The following SNX17 variants were observed in gnomAD, a reference collection of about 807,000 sequenced individuals.
SNX17 encodes sorting nexin-17.
SNX17 carries 35 observed loss-of-function variants against 64.3 expected under a neutral mutation model. The ratio of observed to expected loss-of-function variants is 0.54; its 90% CI spans 0.42 to 0.72. The LOEUF (loss-of-function observed/expected upper bound fraction) is 0.72. Among genes scored for constraint, SNX17 ranks in the 30% least tolerant of loss-of-function variants. The probability of loss-of-function intolerance (pLI) is 0.00; values close to 1 mark genes in which losing one functional copy is unlikely to be tolerated. For synonymous variants in SNX17, 259 were observed against 230.2 expected, an observed-to-expected ratio of 1.13 and a Z score of -1.13; for missense variants, 538 against 610.0, an observed-to-expected ratio of 0.88 and a Z score of 1.24.
At chr2:27,371,384 T>C (rs763637505) in intron 2 of SNX17, 41 bp downstream of exon 2, 17 of 1,583,106 alleles carry the variant, frequency 1.1e-5, no homozygotes, top group Non-Finnish European at 1.4e-5. Context: ...TTCAAGCCCT[T>C]CCCTACACGT....
In SNX17 at chr2:27,375,025, G is replaced by T. The variant is rs375760805; in HGVS notation, c.682-36G>T. On this transcript the variant is annotated intron_variant, in intron 8 of 14. Coordinates refer to ENST00000233575, the MANE Select transcript of SNX17 (RefSeq NM_014748.4). This position sits in a 1 kb window ranked among gnomAD's most constrained non-coding sequence, Gnocchi z 4.1. ...GACGCTTTCCTTGGATTGCTGACTG[G>T]GACCTCCTACTGCCTGCCCCTTGTC... 2.4e-5 allele frequency: 38 copies of T among 1,582,170 alleles called. No homozygotes were observed. The Middle Eastern group carries it at 3.3e-3, about 139-fold the overall frequency.
In SNX17 at chr2:27,374,150, A is replaced by G. The variant is rs759041575; in HGVS notation, c.498A>G (p.Arg166=). ...GATACTTTAGTCTATTCTTAGTTCG[A>G]GAAAAAGAGGATGGAGCCTTTTCTT... ...LIGYFSLFLV[R]EKEDGAFSFV... The change falls in exon 6 of 15, where the codon CGA becomes CGG. Residue 166 remains arginine, a synonymous_variant. Coordinates refer to ENST00000233575, the MANE Select transcript of SNX17 (RefSeq NM_014748.4). The G allele has an allele frequency of 1.2e-6, 2 of 1,613,998 alleles. No individual in the cohort carries two copies. The highest frequency in any genetic ancestry group is 2.7e-5 in the African/African-American group (2 of 74,922).
rs1682823992 is a variant in SNX17 at position 27,373,286 on chromosome 2, A to G, written c.296A>G (p.Asn99Ser). The G allele has an allele frequency of 6.2e-7, 1 of 1,614,188 alleles. No homozygotes were observed. Among genetic ancestry groups the G allele is most frequent in the Non-Finnish European group, 8.5e-7 (1 of 1,180,008 alleles). ...DPLLGSSETF[N>S]SFLRRAQQET... is the part of the protein sequence containing the mutation. ...TTGCTTGGGAGCAGCGAGACTTTCA[A>G]CAGTTTCCTGCGTCGGGCACAACAG... Residue 99 changes from asparagine to serine, a missense_variant, in exon 4 of 15, where the codon AAC becomes AGC. This residue lies in a region of SNX17 where 505 missense variants were observed against 550.4 expected (regional missense o/e 0.92). Transcript: ENST00000233575.
At chr2:27,373,058 C>T in intron 3 of SNX17, 189 bp from the exon 4 acceptor site, 1 of 1,549,808 alleles carries the variant, frequency 6.5e-7, no homozygotes, top group African/African-American at 1.4e-5. Context: ...ACTGGACTCA[C>T]CTAGATGGCA....
In SNX17 at chr2:27,375,385, G is replaced by A. The variant is rs1558305683; in HGVS notation, c.775-121G>A. ...GAGCTCCTGACCTTGTGATCTGTCT[G>A]CCTCTGCCTCCTAAAGTGCTGGGAT... On this transcript the variant is annotated intron_variant, in intron 9 of 14. Coordinates refer to ENST00000233575, the MANE Select transcript of SNX17 (RefSeq NM_014748.4). The surrounding 1 kb of genome is among the most constrained non-coding windows in gnomAD (Gnocchi z 4.1). 6.7e-6 allele frequency: 7 copies of A among 1,037,096 alleles called. No individual in the cohort carries two copies. Among genetic ancestry groups the A allele is most frequent in the Non-Finnish European group, 1.0e-5 (7 of 693,122 alleles). The allele number at this position is 1,037,096 out of a possible 1,614,324, so 64.2% of individuals were successfully genotyped here. A position where few individuals can be genotyped will look rare whatever the true frequency, so the allele number is the denominator to read the frequency against.
intron 4 of SNX17, 46 bp from the exon 5 acceptor site, chr2:27,373,815 C>T (rs768537598): frequency 6.9e-7 from 1 of 1,458,796 alleles, no homozygotes; most frequent in Non-Finnish European, 9.6e-7. Context: ...TAGGTCAAGG[C>T]AAGGGACAAG....
rs746759836 is a variant in SNX17 at position 27,375,586 on chromosome 2, C to T, written c.855C>T (p.Asp285=). The part of the protein sequence containing the change: ...DACVADFPEK[D]CPVVVSAGNS... ...GTGTGGCTGACTTCCCAGAAAAGGA[C>T]TGTCCTGTGGTGGTGAGCGCGGGCA... Residue 285 remains aspartate, a synonymous_variant, in exon 10 of 15, where the codon GAC becomes GAT. Coordinates refer to ENST00000233575, the MANE Select transcript of SNX17 (RefSeq NM_014748.4). This position sits in a 1 kb window ranked among gnomAD's most constrained non-coding sequence, Gnocchi z 4.1. 1.9e-6 allele frequency: 3 copies of T among 1,614,220 alleles called. No homozygotes were observed. In the South Asian group the frequency reaches 3.3e-5, roughly 18 times the overall value.
At chr2:27,370,888 C>T in intron 1 of SNX17, 82 bp downstream of exon 1, 1 of 1,440,952 alleles carries the variant, frequency 6.9e-7, no homozygotes, top group South Asian at 1.3e-5. Context: ...CCTCTGAGGC[C>T]TGACCGCCAC....
rs1284830158 is a variant in SNX17 at position 27,373,875 on chromosome 2, C to A, written c.336C>A (p.Val112=). The A allele has an allele frequency of 4.3e-6, 7 of 1,613,182 alleles. No homozygotes were observed. In the African/African-American group the frequency reaches 9.3e-5, roughly 22 times the overall value. ...GCTCACAACAGGAGACACAGCAGGT[C>A]CCCACAGAGGAAGTGTCCTTGGAAG... is the stretch of plus-strand genomic sequence containing the variant. The part of the protein sequence containing the change: ...LRRAQQETQQ[V]PTEEVSLEVL... The change falls in exon 5 of 15, where the codon GTC becomes GTA. Residue 112 remains valine (V), a synonymous_variant. Transcript: ENST00000233575.
At position 27,373,243 on chromosome 2, in the gene SNX17, G is replaced by A. The variant is rs548646479; in HGVS notation, c.257-4G>A. 2.9e-5 allele frequency: 47 copies of A among 1,614,020 alleles called. No individual in the cohort carries two copies. Among genetic ancestry groups the A allele is most frequent in the Admixed American group, 6.7e-5 (4 of 60,000 alleles). On this transcript the variant is annotated splice_polypyrimidine_tract_variant and splice_region_variant and intron_variant, in intron 3 of 14. Transcript: ENST00000233575. Reference sequence around the variant, plus strand: ...CCTGTAATAATGTTCTCTTGTCCTCGTAGTTCGGCAAGACCCATTGCTTGG... The same window carrying A: ...CCTGTAATAATGTTCTCTTGTCCTCATAGTTCGGCAAGACCCATTGCTTGG...
rs370516976 is a variant in SNX17 at position 27,376,322 on chromosome 2, C to G, written c.1192C>G (p.Arg398Gly). The G allele has an allele frequency of 1.2e-6, 2 of 1,611,498 alleles. No individual in the cohort carries two copies. Among genetic ancestry groups the G allele is most frequent in the African/African-American group, 2.7e-5 (2 of 74,848 alleles). ...SGGSIRKMLR[R>G]RVGGTLRRSD... is the part of the protein sequence containing the mutation. Reference sequence around the variant, plus strand: ...TTGTGTCTGTCCCCAGATGCTGCGCCGGCGGGTGGGGGGTACTCTGAGACG... The same window carrying G: ...TTGTGTCTGTCCCCAGATGCTGCGCGGGCGGGTGGGGGGTACTCTGAGACG... The change falls in exon 13 of 15, where the codon CGG (arginine) becomes GGG (glycine). Residue 398 changes from arginine to glycine, a missense_variant. Physicochemically the swap from Arg to Gly is moderately radical, Grantham distance 125. This residue lies in a region of SNX17 where 505 missense variants were observed against 550.4 expected (regional missense o/e 0.92). Transcript: ENST00000233575.
In SNX17 at chr2:27,375,957, A is replaced by G. The variant is rs992285044; in HGVS notation, c.1090A>G (p.Ile364Val). 6.2e-7 allele frequency: 1 copy of G among 1,614,022 alleles called. No individual in the cohort carries two copies. The highest frequency in any genetic ancestry group is 8.5e-7 in the Non-Finnish European group (1 of 1,180,026). Residue 364 changes from isoleucine to valine, a missense_variant, in exon 11 of 15, where the codon ATC becomes GTC. Ile to Val is a conservative substitution (Grantham distance 29, BLOSUM62 3). Coordinates refer to ENST00000233575, the MANE Select transcript of SNX17 (RefSeq NM_014748.4). The surrounding 1 kb of genome is among the most constrained non-coding windows in gnomAD (Gnocchi z 4.1). Reference protein sequence around the residue: ...MSKDRLQWVTITSPQAIMMSI... With the variant: ...MSKDRLQWVTVTSPQAIMMSI... The stretch of plus-strand genomic sequence containing the variant: ...CAAGGACCGGCTACAGTGGGTCACC[A>G]TCACTAGCCCCCAGGTGTGAACCTA...
At position 27,373,905 on chromosome 2, in the gene SNX17, G is replaced by C. The variant is rs1558303647; in HGVS notation, c.366G>C (p.Leu122=). The change falls in exon 5 of 15, where the codon CTG becomes CTC. Residue 122 remains leucine, a synonymous_variant. Transcript: ENST00000233575. ...CAGAGGAAGTGTCCTTGGAAGTGCT[G>C]CTCAGCAACGGGCAGAAAGTTCTGG... is the stretch of plus-strand genomic sequence containing the variant. ...VPTEEVSLEV[L]LSNGQKVLVN... 1.9e-6 allele frequency: 3 copies of C among 1,614,112 alleles called. No individual in the cohort carries two copies. The highest frequency in any genetic ancestry group is 2.5e-6 in the Non-Finnish European group (3 of 1,180,034).
chr2:27,373,059 C>T, intron 3 of SNX17, 188 bp from the exon 4 acceptor site: 1 of 1,549,970 alleles, frequency 6.5e-7, no homozygotes, highest in Non-Finnish European at 8.7e-7. Flanking sequence ...CTGGACTCAC[C>T]TAGATGGCAG....
At position 27,376,141 on chromosome 2, in the gene SNX17, T is replaced by G; in HGVS notation, c.1140T>G (p.Val380=). The G allele has an allele frequency of 3.7e-6, 6 of 1,614,088 alleles. No homozygotes were observed. The highest frequency in any genetic ancestry group is 5.1e-6 in the Non-Finnish European group (6 of 1,180,014). ...TGAGCATCTGCTTGCAGTCCATGGTTGATGAACTGATGGTGAAGAAATCTG... is the reference window on the plus strand; with the variant it reads ...TGAGCATCTGCTTGCAGTCCATGGTGGATGAACTGATGGTGAAGAAATCTG... The part of the protein sequence containing the change: ...IMMSICLQSM[V]DELMVKKSGG... Residue 380 remains valine, a synonymous_variant, in exon 12 of 15, where the codon GTT becomes GTG. Transcript: ENST00000233575.
At chr2:27,371,531 G>C in intron 2 of SNX17, 188 bp downstream of exon 2, 1 of 1,200,626 alleles carries the variant, frequency 8.3e-7, no homozygotes, top group Non-Finnish European at 1.1e-6. Context: ...TAATGTCCGC[G>C]CAACAACTGC....
chr2:27,371,437 G>T, intron 2 of SNX17, 94 bp downstream of exon 2: 1 of 1,489,252 alleles, frequency 6.7e-7, no homozygotes. Flanking sequence ...TGTTCCCGTA[G>T]GCTGTAGTTC....
chr2:27,373,106 T>C (rs1366527801), intron 3 of SNX17, 141 bp from the exon 4 acceptor site: 2 of 1,574,086 alleles, frequency 1.3e-6, no homozygotes, highest in Non-Finnish European at 1.7e-6. Context: ...ATGCAAACAG[T>C]GAGTGAGGTG....
At position 27,376,915 on chromosome 2, in the gene SNX17, C is replaced by T; in HGVS notation, c.*196C>T. The T allele has an allele frequency of 1.7e-6, 1 of 594,308 alleles. No homozygotes were observed. Among genetic ancestry groups the T allele is most frequent in the Non-Finnish European group, 3.0e-6 (1 of 334,258 alleles). 36.8% of individuals were successfully genotyped at this position (594,308 alleles called of 1,614,324 possible). A position where few individuals can be genotyped will look rare whatever the true frequency, so the allele number is the denominator to read the frequency against. Reference sequence around the variant, plus strand: ...GGCTGCACAGAGGATTGCCCCTTCTCTTTTCAGAGCTGGCCCTCGATGCCA... The same window carrying T: ...GGCTGCACAGAGGATTGCCCCTTCTTTTTTCAGAGCTGGCCCTCGATGCCA... On this transcript the variant is annotated 3_prime_UTR_variant, in exon 15 of 15. Coordinates refer to ENST00000233575, the MANE Select transcript of SNX17 (RefSeq NM_014748.4).
Sources: allele counts gnomAD v4.1 joint callset, GRCh38; gene constraint gnomAD v4.1.1; regional missense constraint gnomAD v4.1.1; non-coding constraint Gnocchi (gnomAD v3.1); transcripts MANE v1.5; gene names NCBI Gene and HGNC (gene_info 2026-07-23, HGNC 2026-07-21).